The following PROX1 variants were observed in gnomAD, a reference collection of about 807,000 sequenced individuals.
The protein encoded by PROX1 is prospero homeobox protein 1.
Under a neutral mutation model 58.8 loss-of-function variants are expected in PROX1, and 7 were observed. The observed-to-expected ratio is 0.12, with a 90% CI of 0.07 to 0.22. The LOEUF is 0.22. Ranked by LOEUF, PROX1 falls within the 10% of genes least tolerant of loss-of-function variation. The pLI is 1.00. For missense variants in PROX1, 675 were observed against 927.8 expected (o/e 0.73, Z 3.54); for synonymous variants, 350 against 358.3 (o/e 0.98, Z 0.26).
rs5780750 is a variant in PROX1, at chr1:213,990,133, TAAA to T, written c.-68+1665_-68+1667del. On this transcript the variant is annotated intron_variant, in intron 1 of 4. Transcript: ENST00000366958. ...TTTTCCACTCATGCCCTCCCTTATT[TAAA>T]AAAAAAAAAAAAAAGAAAGAAAAGA... is the stretch of plus-strand genomic sequence containing the variant. Among the ~76,000 whole-genome samples the T allele has an allele frequency of 3.6e-3, 477 of 131,664 alleles. 9 individuals are homozygous for T. The highest frequency in any genetic ancestry group is 0.02 in the Admixed American group (264 of 12,954). The allele number at this position is 131,664 out of a possible 152,430, so 86.4% of individuals were successfully genotyped here. A position where few individuals can be genotyped will look rare whatever the true frequency, so the allele number is the denominator to read the frequency against.
intron 4 of PROX1, among the ~76,000 whole-genome samples, chr1:214,012,960 C>T (rs913141310): frequency 2.0e-5 from 3 of 152,014 alleles, no homozygotes; most frequent in African/African-American, 7.3e-5. Context: ...CCCTACAGTT[C>T]TTGGCAATGC....
At chr1:214,031,085 G>C (rs1426546684) in intron 4 of PROX1, among the ~76,000 whole-genome samples, 1 of 151,450 alleles carries the variant, frequency 6.6e-6, no homozygotes, top group African/African-American at 2.4e-5. Flanking sequence ...GCGCATTCGC[G>C]CACGCACACA....
rs1396962937 is a variant in PROX1 at position 214,039,998 on chromosome 1, G to A, written c.*4164G>A. 1.3e-5 allele frequency: 2 copies of A among 152,228 alleles called. No homozygotes were observed. The highest frequency in any genetic ancestry group is 2.9e-5 in the Non-Finnish European group (2 of 68,042). 9.4% of individuals were successfully genotyped at this position (152,228 alleles called of 1,614,324 possible). ...AAATCTCTTTGCCATGTATATTATA[G>A]CGTATTCATTGGTGTGAATAGTACA... On this transcript the variant is annotated 3_prime_UTR_variant, in exon 5 of 5. Coordinates refer to ENST00000366958, the MANE Select transcript of PROX1 (RefSeq NM_001270616.2).
intron 4 of PROX1, among the ~76,000 whole-genome samples, chr1:214,032,993 T>A (rs1664710378): frequency 6.6e-6 from 1 of 152,184 alleles, no homozygotes; most frequent in Non-Finnish European, 1.5e-5. Flanking sequence ...ATGCAAATCC[T>A]ACAACTACAC....
intron 1 of PROX1, among the ~76,000 whole-genome samples, chr1:213,991,242 T>C (rs919493437): frequency 6.6e-6 from 1 of 152,224 alleles, no homozygotes; most frequent in African/African-American, 2.4e-5. Context: ...TCTTAAAACT[T>C]GACCTTTTAA....
intron 1 of PROX1, among the ~76,000 whole-genome samples, chr1:213,993,723 A>G (rs1663118838): frequency 6.6e-6 from 1 of 152,100 alleles, no homozygotes; most frequent in Admixed American, 6.5e-5. Flanking sequence ...ATATGGAGAG[A>G]TATATTTATT....
chr1:214,004,733 G>A (rs1448285382), intron 2 of PROX1, among the ~76,000 whole-genome samples: 1 of 152,102 alleles, frequency 6.6e-6, no homozygotes, highest in Admixed American at 6.6e-5. Context: ...AGAATAATTT[G>A]CTTTAAACTG....
Position 213,997,466 on chromosome 1 carries a change from G to A in PROX1, c.931G>A (p.Ala311Thr), listed in dbSNP as rs764355109. 32 of 1,614,130 alleles carry A rather than the reference G, an allele frequency of 2.0e-5. No individual in the cohort carries two copies. Among genetic ancestry groups the A allele is most frequent in the Non-Finnish European group, 2.6e-5 (31 of 1,180,028 alleles). The change falls in exon 2 of 5, where the codon GCT becomes ACT. Residue 311 changes from alanine (A) to threonine (T), a missense_variant. Transcript: ENST00000366958. The surrounding 1 kb of genome is among the most constrained non-coding windows in gnomAD (Gnocchi z 7.1). Reference sequence around the variant, plus strand: ...AGACCCAGGACAGTTTATTGACCGAGCTCGAGCCCTGATCAGAGAGCAGGA... The same window carrying A: ...AGACCCAGGACAGTTTATTGACCGAACTCGAGCCCTGATCAGAGAGCAGGA... ...ELDPGQFIDR[A>T]RALIREQEMA...
chr1:214,015,754 G>A (rs1250446129), intron 4 of PROX1, among the ~76,000 whole-genome samples: 1 of 152,228 alleles, frequency 6.6e-6, no homozygotes, highest in East Asian at 1.9e-4. Flanking sequence ...CCTGAGTGTA[G>A]GTTGAGAAAA....
intron 4 of PROX1, among the ~76,000 whole-genome samples, chr1:214,025,980 T>C (rs772050618): frequency 4.6e-5 from 7 of 152,170 alleles, no homozygotes; most frequent in Admixed American, 6.5e-5. Flanking sequence ...GAGTCTTTGA[T>C]GGAATAGTCT....
intron 4 of PROX1, among the ~76,000 whole-genome samples, chr1:214,013,767 C>T (rs1456859737): frequency 6.6e-6 from 1 of 152,192 alleles, no homozygotes; most frequent in Non-Finnish European, 1.5e-5. Flanking sequence ...CACTTCCAGC[C>T]AGGCCACCTC....
intron 4 of PROX1, among the ~76,000 whole-genome samples, chr1:214,013,793 G>A (rs1664000800): frequency 6.6e-6 from 1 of 152,168 alleles, no homozygotes; most frequent in Non-Finnish European, 1.5e-5. Context: ...TATCTGCAGT[G>A]TCTATTTTAA....
upstream of PROX1, chr1:213,985,559 G>A (rs1204655420): frequency 6.6e-6 from 1 of 152,236 alleles, no homozygotes; most frequent in Non-Finnish European, 1.5e-5. Flanking sequence ...CGCGAGCCGG[G>A]AGCCTCTGCC....
In PROX1 at chr1:213,997,562, C is replaced by G. The variant is rs775912015; in HGVS notation, c.1027C>G (p.Pro343Ala). 6.2e-7 allele frequency: 1 copy of G among 1,614,118 alleles called. No homozygotes were observed. The highest frequency in any genetic ancestry group is 1.3e-5 in the African/African-American group (1 of 75,024). The change falls in exon 2 of 5, where the codon CCG (proline) becomes GCG (alanine). Residue 343 changes from proline to alanine, a missense_variant. By Grantham distance (27) the Pro-to-Ala change is conservative. Coordinates refer to ENST00000366958, the MANE Select transcript of PROX1 (RefSeq NM_001270616.2). The surrounding 1 kb of genome is among the most constrained non-coding windows in gnomAD (Gnocchi z 7.1). ...ERDHGPNSLQ[P>A]EGKHLAETLK... ...AGACCATGGGCCAAACTCCTTACAA[C>G]CGGAAGGCAAACATTTGGCTGAGAC... is the stretch of plus-strand genomic sequence containing the variant.
chr1:214,029,603 A>G (rs1664575892), intron 4 of PROX1: 1 of 152,108 alleles, frequency 6.6e-6, no homozygotes, highest in Non-Finnish European at 1.5e-5. Flanking sequence ...ACTTTCTCCA[A>G]TTTTTCAGAG....
At chr1:213,987,079 A>C (rs777651914), upstream of PROX1, among the ~76,000 whole-genome samples, 22 of 152,204 alleles carry the variant, frequency 1.4e-4, no homozygotes, top group Non-Finnish European at 2.6e-4. Flanking sequence ...CGAGTGAATT[A>C]GTGAAGGGTA....
chr1:214,019,559 G>A (rs1664209632), intron 4 of PROX1, among the ~76,000 whole-genome samples: 1 of 152,188 alleles, frequency 6.6e-6, no homozygotes. Flanking sequence ...ATCGTTAGGT[G>A]GGTAGTCCTG....
At chr1:214,019,761 T>C (rs562590001) in intron 4 of PROX1, among the ~76,000 whole-genome samples, 15 of 152,330 alleles carry the variant, frequency 9.8e-5, no homozygotes, top group Middle Eastern at 6.8e-3. Context: ...CTTTGTTGCG[T>C]TGGCAAATGT....
At chr1:214,004,876 C>T (rs530066814) in intron 2 of PROX1, among the ~76,000 whole-genome samples, 108 of 152,272 alleles carry the variant, frequency 7.1e-4, no homozygotes, top group Middle Eastern at 3.4e-3. Context: ...AGATAGCCTA[C>T]CGACCTAAAG....
Sources: gnomAD v4.1 joint callset for allele counts (sites outside exome capture counted in the v4.1 genomes callset) on GRCh38, gnomAD v4.1.1 for gene constraint, Gnocchi (gnomAD v3.1) non-coding constraint, MANE v1.5 for transcripts, NCBI Gene and HGNC (gene_info 2026-07-23, HGNC 2026-07-21) for gene names.